SSBP3: variants seen among roughly 807,000 people sequenced by gnomAD.
SSBP3 encodes single-stranded DNA-binding protein 3.
In SSBP3, 5 loss-of-function variants were observed where a neutral mutation model predicts 69.6. That is an observed-to-expected ratio of 0.07 (90% CI 0.04 to 0.15). The LOEUF (loss-of-function observed/expected upper bound fraction) is 0.15. Ranked by LOEUF, SSBP3 falls within the 10% of genes least tolerant of loss-of-function variation. SSBP3 has a pLI of 1.00. For missense variants in SSBP3, 312 were observed against 534.0 expected (o/e 0.58, Z 4.10); for synonymous variants, 196 against 193.4 (o/e 1.01, Z -0.11).
At position 54,288,708 on chromosome 1, in the gene SSBP3, T is replaced by C. The variant is rs1226423093; in HGVS notation, c.277-7181A>G. Among the ~76,000 whole-genome samples, 3 of 151,996 alleles carry C rather than the reference T, an allele frequency of 2.0e-5. No homozygotes were observed. The East Asian group carries it at 5.8e-4, about 29-fold the overall frequency. The stretch of plus-strand genomic sequence containing the variant: ...TCTCAAGGTCAGGCAGCTAAGTGGC[T>C]CTAACATTAGTCCCTCTGTGCCTCC... On this transcript the variant is annotated intron_variant, in intron 4 of 17. Coordinates refer to ENST00000610401, the Ensembl canonical transcript of SSBP3.
chr1:54,307,521 C>T (rs1645922033), intron 4 of SSBP3, among the ~76,000 whole-genome samples: 1 of 152,130 alleles, frequency 6.6e-6, no homozygotes, highest in South Asian at 2.1e-4. Flanking sequence ...CTTAATTGAT[C>T]TTCATATCCG....
intron 4 of SSBP3, among the ~76,000 whole-genome samples, chr1:54,353,393 C>T (rs187379488): frequency 2.2e-4 from 33 of 152,322 alleles, no homozygotes; most frequent in African/African-American, 7.5e-4. Flanking sequence ...TCAACACCCC[C>T]GCTCCTGCCC....
At chr1:54,411,581 G>T (rs888573530) in intron 1 of SSBP3, among the ~76,000 whole-genome samples, 1 of 152,044 alleles carries the variant, frequency 6.6e-6, no homozygotes, top group Non-Finnish European at 1.5e-5. Flanking sequence ...TTGAGCCAGG[G>T]ACGCTGGGAA....
chr1:54,335,773 A>G (rs1002199614), intron 4 of SSBP3: 5 of 152,284 alleles, frequency 3.3e-5, no homozygotes, highest in African/African-American at 1.2e-4. Context: ...GTGTCAGAGA[A>G]ACAGCAAGGG....
intron 4 of SSBP3, among the ~76,000 whole-genome samples, chr1:54,369,105 G>GA (rs1255655098): frequency 6.6e-6 from 1 of 151,520 alleles, no homozygotes; most frequent in Non-Finnish European, 1.5e-5. Flanking sequence ...CTGCTAAAAC[G>GA]AAAAAAAGTA....
In SSBP3 at chr1:54,256,384, A is replaced by G. The variant is rs538333881; in HGVS notation, c.507+743T>C. Among the ~76,000 whole-genome samples, 39 of 152,316 alleles carry G rather than the reference A, an allele frequency of 2.6e-4. No individual in the cohort carries two copies. The South Asian group carries it at 4.4e-3, about 17-fold the overall frequency. ...TCTTTTAAGTCTGTCTATCCTCAAAAGAGGCATCTATTCATATTTACCTCT... is the reference window on the plus strand; with the variant it reads ...TCTTTTAAGTCTGTCTATCCTCAAAGGAGGCATCTATTCATATTTACCTCT... On this transcript the variant is annotated intron_variant, in intron 7 of 17. Transcript: ENST00000610401.
At chr1:54,402,283 G>A (rs372239040) in intron 3 of SSBP3, among the ~76,000 whole-genome samples, 6 of 152,282 alleles carry the variant, frequency 3.9e-5, no homozygotes, top group African/African-American at 1.4e-4. Context: ...GGGGTTAGTA[G>A]AACCTACTCA....
intron 4 of SSBP3, among the ~76,000 whole-genome samples, chr1:54,380,080 C>T (rs549032417): frequency 3.3e-5 from 5 of 152,256 alleles, no homozygotes; most frequent in South Asian, 4.1e-4. Flanking sequence ...TGGAATGTGG[C>T]CAATCTCGCC....
At chr1:54,325,144 A>G (rs1045309592) in intron 4 of SSBP3, among the ~76,000 whole-genome samples, 2 of 152,160 alleles carry the variant, frequency 1.3e-5, no homozygotes, top group African/African-American at 4.8e-5. Flanking sequence ...TAAACGGAAA[A>G]ATGGAGCAGC....
chr1:54,232,394 C>T (rs1320401855), intron 14 of SSBP3, among the ~76,000 whole-genome samples: 1 of 152,148 alleles, frequency 6.6e-6, no homozygotes, highest in African/African-American at 2.4e-5. Flanking sequence ...ATAGCTGGGA[C>T]TACAGGCTCG....
Position 54,404,535 on chromosome 1 carries a change from A to G in SSBP3, c.191+41T>C, listed in dbSNP as rs1649553022. Reference sequence around the variant, plus strand: ...TTGTTCACTTGGACCCAGGGCTCACAACAAAACAAACACACATGCAAAACT... The same window carrying G: ...TTGTTCACTTGGACCCAGGGCTCACGACAAAACAAACACACATGCAAAACT... On this transcript the variant is annotated intron_variant, in intron 3 of 17. Coordinates refer to ENST00000610401, the Ensembl canonical transcript of SSBP3. 3 of 1,610,510 alleles carry G rather than the reference A, an allele frequency of 1.9e-6. No homozygotes were observed. The South Asian group carries it at 3.3e-5, about 18-fold the overall frequency.
rs761062692 is a variant in SSBP3 at position 54,227,185 on chromosome 1, G to GGT, written c.1138-26_1138-25insAC. ...ACTGGAAAGGAGAAGCAGAGAAGGG[G>GGT]GGGGGGTGAGGATTGTGGGGAGGCC... On this transcript the variant is annotated intron_variant, in intron 17 of 17. Coordinates refer to ENST00000610401, the Ensembl canonical transcript of SSBP3. 1.6e-5 allele frequency: 19 copies of GGT among 1,193,852 alleles called. 1 individual carries two copies. Among genetic ancestry groups the GGT allele is most frequent in the Admixed American group, 3.6e-5 (2 of 55,840 alleles). 74.0% of individuals were successfully genotyped at this position (1,193,852 alleles called of 1,614,324 possible).
chr1:54,311,304 T>A (rs1223292104), intron 4 of SSBP3, among the ~76,000 whole-genome samples: 3 of 152,072 alleles, frequency 2.0e-5, no homozygotes, highest in Admixed American at 2.0e-4. Flanking sequence ...TGAGATGGAG[T>A]GTTCCCTGCT....
intron 4 of SSBP3, among the ~76,000 whole-genome samples, chr1:54,300,838 T>C (rs1353471039): frequency 6.6e-6 from 1 of 152,228 alleles, no homozygotes; most frequent in Non-Finnish European, 1.5e-5. Context: ...ATTTTTTTTA[T>C]TTCAGAGAGA....
At chr1:54,365,349 C>A (rs905687194) in intron 4 of SSBP3, among the ~76,000 whole-genome samples, 3 of 151,176 alleles carry the variant, frequency 2.0e-5, no homozygotes, top group South Asian at 4.2e-4. Context: ...GAAAGGTGTG[C>A]GTGTGTGTGT....
chr1:54,345,942 G>C (rs962517674), intron 4 of SSBP3, among the ~76,000 whole-genome samples: 15 of 149,110 alleles, frequency 1.0e-4, no homozygotes, highest in Middle Eastern at 3.2e-3. Flanking sequence ...AGGAGTTCGA[G>C]ACCAGCCTGG....
intron 4 of SSBP3, among the ~76,000 whole-genome samples, chr1:54,343,532 A>G (rs769703096): frequency 7.5e-4 from 114 of 152,382 alleles, no homozygotes; most frequent in African/African-American, 2.7e-3. Flanking sequence ...ACCCAGTGGC[A>G]GGGGAGCAGG....
intron 4 of SSBP3, among the ~76,000 whole-genome samples, chr1:54,289,032 A>AC (rs1189911519): frequency 1.0e-4 from 6 of 59,462 alleles, no homozygotes; most frequent in Admixed American, 1.7e-4. Context: ...AAAAAAAAAA[A>AC]AAAACAAAAA....
intron 4 of SSBP3, among the ~76,000 whole-genome samples, chr1:54,311,643 C>A (rs999631768): frequency 6.6e-6 from 1 of 152,172 alleles, no homozygotes; most frequent in South Asian, 2.1e-4. Flanking sequence ...TCACCACCGT[C>A]ACTCGGAGGG....
Sources: allele counts gnomAD v4.1 joint callset (sites outside exome capture counted in the v4.1 genomes callset), GRCh38; gene constraint gnomAD v4.1.1; transcripts MANE v1.5; gene names NCBI Gene and HGNC (gene_info 2026-07-23, HGNC 2026-07-21).